Variants in AMZ1 observed in about 807,000 individuals in gnomAD.
AMZ1 encodes the protein archaelysin family metallopeptidase 1.
AMZ1 carries 39 observed loss-of-function variants against 29.9 expected under a neutral mutation model. The observed-to-expected ratio is 1.30, with a 90% confidence interval of 1.01 to 1.70. The LOEUF (loss-of-function observed/expected upper bound fraction) is 1.70, where lower values mean the gene tolerates loss of function less well. AMZ1 is among the 40% of genes most tolerant of loss of function. AMZ1 has a pLI of 0.00. For synonymous variants in AMZ1, 458 were observed against 304.0 expected, an observed-to-expected ratio of 1.51 and a Z score of -5.27; for missense variants, 1,041 against 680.6, an observed-to-expected ratio of 1.53 and a Z score of -5.89.
chr7:2,740,457 C>T (rs965037746), intron 4 of AMZ1, among the ~76,000 whole-genome samples: 1 of 152,192 alleles, frequency 6.6e-6, no homozygotes, highest in Admixed American at 6.5e-5. Context: ...AGACAGCCCT[C>T]CCTCACCAGA....
intron 4 of AMZ1, among the ~76,000 whole-genome samples, chr7:2,732,816 G>A (rs1789968890): frequency 6.6e-6 from 1 of 152,188 alleles, no homozygotes; most frequent in South Asian, 2.1e-4. Flanking sequence ...AAGAAAAAAA[G>A]GAGAGACATA....
At chr7:2,734,779 G>A (rs1012186498) in intron 4 of AMZ1, among the ~76,000 whole-genome samples, 4 of 152,168 alleles carry the variant, frequency 2.6e-5, no homozygotes, top group African/African-American at 9.7e-5. Flanking sequence ...CCTGTGTTGA[G>A]CGAGCACACA....
chr7:2,695,605 C>G (rs1229785642), intron 1 of AMZ1, among the ~76,000 whole-genome samples: 1 of 151,706 alleles, frequency 6.6e-6, no homozygotes, highest in Non-Finnish European at 1.5e-5. Context: ...CTCAGCTACT[C>G]AGGAGGCCAA....
At chr7:2,727,766 A>G (rs1433465537) in intron 4 of AMZ1, among the ~76,000 whole-genome samples, 1 of 152,068 alleles carries the variant, frequency 6.6e-6, no homozygotes, top group African/African-American at 2.4e-5. Flanking sequence ...TTAGGATTAG[A>G]GCTGGGTGTG....
chr7:2,733,778 G>A (rs1393642735), intron 4 of AMZ1, among the ~76,000 whole-genome samples: 1 of 152,170 alleles, frequency 6.6e-6, no homozygotes, highest in East Asian at 1.9e-4. Flanking sequence ...TGCGATGCAG[G>A]CCCCTCTGAT....
At chr7:2,729,997 A>C (rs916271514) in intron 4 of AMZ1, 1 of 152,358 alleles carries the variant, frequency 6.6e-6, no homozygotes, top group Non-Finnish European at 1.5e-5. Context: ...CAGTCATAGA[A>C]GCGAGGGGCC....
downstream of AMZ1, among the ~76,000 whole-genome samples, chr7:2,719,683 AT>A (rs11426798): frequency 0.25 from 36,381 of 147,276 alleles, 4,678 homozygotes; most frequent in Non-Finnish European, 0.29. Flanking sequence ...ATCAACCCCA[AT>A]TTTTTTTTTT....
At chr7:2,701,622 C>G (rs544038868) in intron 2 of AMZ1, among the ~76,000 whole-genome samples, 1 of 152,230 alleles carries the variant, frequency 6.6e-6, no homozygotes, top group African/African-American at 2.4e-5. Flanking sequence ...ATGCCAAGAG[C>G]AGCCTGGCAG....
At position 2,712,764 on chromosome 7, in the gene AMZ1, G is replaced by C. The variant is rs1308235828; in HGVS notation, c.1383G>C (p.Val461=). The change falls in exon 7 of 7, where the codon GTG becomes GTC. Residue 461 remains valine, a synonymous_variant. Coordinates refer to ENST00000683327, the MANE Select transcript of AMZ1 (RefSeq NM_001384743.1). ...RQDPPSSRDS[V]GLRKVLGDKF... is the part of the protein sequence containing the mutation. ...ACCCACCCAGCAGCAGGGACAGCGT[G>C]GGGCTGCGCAAGGTGCTGGGGGACA... 1 of 1,596,586 alleles carries C rather than the reference G, an allele frequency of 6.3e-7. No homozygotes were observed.
At chr7:2,720,916 C>G (rs901749582), downstream of AMZ1, among the ~76,000 whole-genome samples, 5 of 152,148 alleles carry the variant, frequency 3.3e-5, no homozygotes, top group African/African-American at 4.8e-5. Context: ...TGGGCTCAGG[C>G]AATCCTACTG....
At chr7:2,719,947 C>T (rs767179290), downstream of AMZ1, among the ~76,000 whole-genome samples, 45 of 152,154 alleles carry the variant, frequency 3.0e-4, no homozygotes, top group Non-Finnish European at 5.7e-4. Flanking sequence ...TCCCAAAGTG[C>T]CAGGATTACA....
chr7:2,723,382 G>C (rs1361834284), downstream of AMZ1, among the ~76,000 whole-genome samples: 2 of 152,270 alleles, frequency 1.3e-5, no homozygotes, highest in African/African-American at 4.8e-5. Flanking sequence ...GTGATTTCCA[G>C]ATGCAGGTCT....
At chr7:2,706,020 C>T (rs1487051731) in intron 3 of AMZ1, among the ~76,000 whole-genome samples, 3 of 152,246 alleles carry the variant, frequency 2.0e-5, no homozygotes, top group African/African-American at 4.8e-5. Context: ...TTTCCACCCC[C>T]TCTGCTTAGT....
At chr7:2,755,331 G>C (rs1002897199) in intron 4 of AMZ1, among the ~76,000 whole-genome samples, 3 of 152,214 alleles carry the variant, frequency 2.0e-5, no homozygotes, top group African/African-American at 7.2e-5. Context: ...TGTCAAATCT[G>C]TGTATCAATC....
upstream of AMZ1, chr7:2,763,284 G>T: frequency 9.1e-6 from 2 of 220,238 alleles, no homozygotes; most frequent in Non-Finnish European, 1.6e-5. Context: ...CGTGGGAGGA[G>T]TGCTGTGAGG....
In AMZ1 at chr7:2,709,426, C is replaced by T. The variant is rs1286411956; in HGVS notation, c.771+182C>T. ...CAGGGGAGGGATTAGAGCCCCAAGC[C>T]CCTATCCTGTGTGGCCTCCCACCCT... On this transcript the variant is annotated intron_variant, in intron 5 of 6. Coordinates refer to ENST00000683327, the MANE Select transcript of AMZ1 (RefSeq NM_001384743.1). Among the ~76,000 whole-genome samples the T allele has an allele frequency of 2.4e-5, 3 of 127,496 alleles. No individual in the cohort carries two copies. In the South Asian group the frequency reaches 8.7e-4, roughly 37 times the overall value. 83.6% of individuals were successfully genotyped at this position (127,496 alleles called of 152,430 possible).
At chr7:2,701,612 A>G (rs890561056) in intron 2 of AMZ1, among the ~76,000 whole-genome samples, 1 of 152,224 alleles carries the variant, frequency 6.6e-6, no homozygotes, top group Non-Finnish European at 1.5e-5. Context: ...TGCCTCTCAC[A>G]TGCCAAGAGC....
intron 4 of AMZ1, among the ~76,000 whole-genome samples, chr7:2,748,318 A>G (rs1191237402): frequency 6.6e-6 from 1 of 152,222 alleles, no homozygotes; most frequent in African/African-American, 2.4e-5. Context: ...AGACACATAG[A>G]CCAATGGAAC....
intron 4 of AMZ1, chr7:2,729,196 G>A (rs1789760073): frequency 6.6e-6 from 1 of 152,384 alleles, no homozygotes; most frequent in East Asian, 1.9e-4. Flanking sequence ...TCTGGGCTCT[G>A]GATTCTAACA....
Sources: allele counts gnomAD v4.1 joint callset (sites outside exome capture counted in the v4.1 genomes callset), GRCh38; gene constraint gnomAD v4.1.1; transcripts MANE v1.5; gene names NCBI Gene and HGNC (gene_info 2026-07-23, HGNC 2026-07-21).